Variants in ZNF728 observed in about 807,000 individuals in gnomAD.
ZNF728 encodes zinc finger protein 728.
Under a neutral mutation model 12.5 loss-of-function variants are expected in ZNF728, and 12 were observed. That is an observed-to-expected ratio of 0.96 (90% confidence interval 0.61 to 1.55). The LOEUF is 1.55. Among genes scored for constraint, ZNF728 ranks in the 40% most tolerant of loss-of-function variants. ZNF728 has a pLI of 0.00. For missense variants in ZNF728, 692 were observed against 719.2 expected, an observed-to-expected ratio of 0.96 and a Z score of 0.43; for synonymous variants, 205 against 240.7, an observed-to-expected ratio of 0.85 and a Z score of 1.37.
intron 1 of ZNF728, among the ~76,000 whole-genome samples, chr19:23,000,093 G>C (rs893982350): frequency 6.6e-6 from 1 of 152,154 alleles, no homozygotes; most frequent in Non-Finnish European, 1.5e-5. Context: ...TGAAGGCCAG[G>C]CATGGTGGCT....
intron 3 of ZNF728, among the ~76,000 whole-genome samples, chr19:22,979,090 C>G (rs746231109): frequency 1.3e-5 from 2 of 152,106 alleles, no homozygotes. Flanking sequence ...TGCTCTAACC[C>G]AATGCCAGGA....
rs561247881 is a variant in ZNF728, at chr19:22,998,983, A to C, written c.3+4045T>G. Among the ~76,000 whole-genome samples, 18 of 152,216 alleles carry C rather than the reference A, an allele frequency of 1.2e-4. No homozygotes were observed. The East Asian group carries it at 2.9e-3, about 25-fold the overall frequency. On this transcript the variant is annotated intron_variant, in intron 1 of 3. Transcript: ENST00000594710. ...CTTCTTAATCAAAATTCACTTGTTT[A>C]TTTTCTTCCCACAGGCTCCTGAACT...
chr19:22,980,173 G>A (rs1167459029), intron 3 of ZNF728, among the ~76,000 whole-genome samples: 75 of 121,086 alleles, frequency 6.2e-4, no homozygotes, highest in Non-Finnish European at 9.1e-4. Flanking sequence ...TAGTTACCAA[G>A]CAAATGGAAA....
At chr19:22,995,918 G>A (rs1969045346) in intron 1 of ZNF728, 1 of 152,150 alleles carries the variant, frequency 6.6e-6, no homozygotes, top group African/African-American at 2.4e-5. Context: ...TAACTGGAGA[G>A]CTATTATGGT....
intron 1 of ZNF728, among the ~76,000 whole-genome samples, chr19:22,991,045 AAC>A (rs1194111758): frequency 6.6e-6 from 1 of 152,340 alleles, no homozygotes; most frequent in Middle Eastern, 3.4e-3. Context: ...AATGAGGCAC[AAC>A]ACAGAGTCCC....
intron 3 of ZNF728, among the ~76,000 whole-genome samples, chr19:22,977,353 G>A (rs545476369): frequency 3.3e-5 from 5 of 151,828 alleles, no homozygotes; most frequent in Non-Finnish European, 7.4e-5. Flanking sequence ...GAGCCACATA[G>A]AAAAAAAGAA....
In ZNF728 at chr19:23,000,209, C is replaced by A. The variant is rs554768784; in HGVS notation, c.3+2819G>T. On this transcript the variant is annotated intron_variant, in intron 1 of 3. Transcript: ENST00000594710. ...TGGCTAATATGGCGAAACCCCGTCTCTACTAAAAATACAAAAAAATTAGCT... is the reference window on the plus strand; with the variant it reads ...TGGCTAATATGGCGAAACCCCGTCTATACTAAAAATACAAAAAAATTAGCT... Among the ~76,000 whole-genome samples, 37 of 152,004 alleles carry A rather than the reference C, an allele frequency of 2.4e-4. 1 individual carries two copies. The South Asian group carries it at 7.7e-3, about 32-fold the overall frequency.
chr19:22,976,245 T>G lies in ZNF728; in HGVS notation c.1092A>C (p.Gly364=). The change falls in exon 4 of 4, where the codon GGA becomes GGC. Residue 364 remains glycine (G), a synonymous_variant. Coordinates refer to ENST00000594710, the MANE Select transcript of ZNF728 (RefSeq NM_001267716.2). The part of the protein sequence containing the change: ...TLTKHKVIHT[G]EKPYKCEECG... ...ATTCTTCACATTTGTAGGGTTTCTC[T>G]CCAGTATGAATTACCTTATGTTTAG... 6.2e-7 allele frequency: 1 copy of G among 1,613,390 alleles called. No individual in the cohort carries two copies. The highest frequency in any genetic ancestry group is 8.5e-7 in the Non-Finnish European group (1 of 1,179,810).
intron 3 of ZNF728, among the ~76,000 whole-genome samples, chr19:22,984,019 CAG>C (rs1968887996): frequency 6.6e-6 from 1 of 151,792 alleles, no homozygotes; most frequent in Non-Finnish European, 1.5e-5. Flanking sequence ...AAAATCAAAA[CAG>C]AATATTAACA....
rs757992311 is a variant in ZNF728, at chr19:22,976,405, G to A, written c.932C>T (p.Pro311Leu). Reference sequence around the variant, plus strand: ...TTTGCCACATTCTTCACATTTGTAGGGTTTCTCTCCAGCATGAATTGTCTT... The same window carrying A: ...TTTGCCACATTCTTCACATTTGTAGAGTTTCTCTCCAGCATGAATTGTCTT... The part of the protein sequence containing the change: ...AHKTIHAGEK[P>L]YKCEECGKAF... Residue 311 changes from proline to leucine, a missense_variant, in exon 4 of 4, where the codon CCC becomes CTC. By Grantham distance (98) the Pro-to-Leu change is moderately conservative. Around this residue, in one of 3 missense-constraint regions of ZNF728, gnomAD observed 440 missense variants for 459.6 expected, o/e 0.96. Coordinates refer to ENST00000594710, the MANE Select transcript of ZNF728 (RefSeq NM_001267716.2). 8 of 1,611,732 alleles carry A rather than the reference G, an allele frequency of 5.0e-6. No individual in the cohort carries two copies. Among genetic ancestry groups the A allele is most frequent in the Non-Finnish European group, 5.9e-6 (7 of 1,179,614 alleles).
intron 1 of ZNF728, among the ~76,000 whole-genome samples, chr19:22,993,658 CTTAT>C (rs1248026949): frequency 6.6e-6 from 1 of 152,016 alleles, no homozygotes; most frequent in African/African-American, 2.4e-5. Flanking sequence ...GCGAGAAATT[CTTAT>C]TTATGTAAAG....
chr19:22,990,807 A>G (rs1968979329), intron 1 of ZNF728, among the ~76,000 whole-genome samples: 1 of 152,000 alleles, frequency 6.6e-6, no homozygotes, highest in South Asian at 2.1e-4. Context: ...GTTCTGCAAA[A>G]TGGCCAGGTG....
chr19:22,991,149 T>G (rs1352802342), intron 1 of ZNF728, among the ~76,000 whole-genome samples: 1 of 152,212 alleles, frequency 6.6e-6, no homozygotes, highest in African/African-American at 2.4e-5. Context: ...CTTTGCTGAC[T>G]AAAGTTTACA....
intron 3 of ZNF728, among the ~76,000 whole-genome samples, chr19:22,986,185 T>C (rs1341093193): frequency 6.6e-6 from 1 of 152,148 alleles, no homozygotes; most frequent in East Asian, 1.9e-4. Flanking sequence ...TAAGAGGTGT[T>C]TGCGCCTTCA....
chr19:22,996,038 T>C (rs1244178111), intron 1 of ZNF728, among the ~76,000 whole-genome samples: 3 of 152,152 alleles, frequency 2.0e-5, no homozygotes, highest in Non-Finnish European at 4.4e-5. Flanking sequence ...TCCCACTGGA[T>C]AAATTAATAG....
intron 1 of ZNF728, among the ~76,000 whole-genome samples, chr19:22,991,790 A>C (rs544282500): frequency 5.4e-4 from 83 of 152,302 alleles, no homozygotes; most frequent in Non-Finnish European, 1.1e-3. Flanking sequence ...GAATATGAAC[A>C]GGGCTGGGGC....
chr19:22,980,685 C>A (rs1382864953), intron 3 of ZNF728, among the ~76,000 whole-genome samples: 1 of 152,152 alleles, frequency 6.6e-6, no homozygotes, highest in Non-Finnish European at 1.5e-5. Context: ...GTCTCTCAGA[C>A]CACAGTGCAA....
chr19:22,983,184 A>G (rs1409027062), intron 3 of ZNF728, among the ~76,000 whole-genome samples: 1 of 152,152 alleles, frequency 6.6e-6, no homozygotes. Flanking sequence ...ACACCCCATC[A>G]AAAAGTGGGC....
chr19:22,992,039 C>A (rs1475266279), intron 1 of ZNF728, among the ~76,000 whole-genome samples: 1 of 151,992 alleles, frequency 6.6e-6, no homozygotes, highest in Non-Finnish European at 1.5e-5. Flanking sequence ...AAAATAAATA[C>A]AAATAACAAT....
Sources: allele counts gnomAD v4.1 joint callset (sites outside exome capture counted in the v4.1 genomes callset), GRCh38; gene constraint gnomAD v4.1.1; regional missense constraint gnomAD v4.1.1; transcripts MANE v1.5; gene names NCBI Gene and HGNC (gene_info 2026-07-23, HGNC 2026-07-21).